The following PIGB variants were observed in gnomAD, a reference collection of about 807,000 sequenced individuals.
PIGB encodes the protein phosphatidylinositol glycan anchor biosynthesis class B.
Under a neutral mutation model 68.4 loss-of-function variants are expected in PIGB, and 58 were observed. The observed-to-expected ratio is 0.85, with a 90% CI of 0.69 to 1.06. PIGB has a LOEUF of 1.06. Ranked by LOEUF, PIGB falls within the 50% of genes least tolerant of loss-of-function variation. The pLI, the probability that PIGB is intolerant of heterozygous loss-of-function variation, is 0.00. For synonymous variants in PIGB, 219 were observed against 220.5 expected, an observed-to-expected ratio of 0.99 and a Z score of 0.06; for missense variants, 634 against 655.8, an observed-to-expected ratio of 0.97 and a Z score of 0.36.
rs534980917 is a variant in PIGB at position 55,328,449 on chromosome 15, T to A, written c.522+814T>A. ...CCAAGTAACCAATTTAGCAACATAT[T>A]TCTGAAATATAATTTATTAATAAAT... On this transcript the variant is annotated intron_variant, in intron 4 of 11. Transcript: ENST00000164305. Among the ~76,000 whole-genome samples the A allele has an allele frequency of 2.0e-5, 3 of 152,330 alleles. No individual in the cohort carries two copies. In the East Asian group the frequency reaches 5.8e-4, roughly 29 times the overall value.
intron 6 of PIGB, among the ~76,000 whole-genome samples, chr15:55,338,864 T>A (rs1169547803): frequency 1.3e-5 from 2 of 152,214 alleles, no homozygotes; most frequent in Non-Finnish European, 2.9e-5. Context: ...AACCTTCAGA[T>A]GAAACTGTAG....
chr15:55,321,239 A>C (rs2055156288), intron 2 of PIGB, 34 bp from the exon 3 acceptor site: 1 of 1,519,970 alleles, frequency 6.6e-7, no homozygotes, highest in South Asian at 1.3e-5. Context: ...ATAGGTTTCA[A>C]TATTATTGGA....
chr15:55,321,341 G>A lies in PIGB; in HGVS notation c.368G>A (p.Ser123Asn). 6.2e-7 allele frequency: 1 copy of A among 1,606,874 alleles called. No homozygotes were observed. Among genetic ancestry groups the A allele is most frequent in the Non-Finnish European group, 8.5e-7 (1 of 1,175,508 alleles). The change falls in exon 3 of 12, where the codon AGC becomes AAC. Residue 123 changes from serine (S) to asparagine (N), a missense_variant. Physicochemically the swap from Ser to Asn is conservative, Grantham distance 46. Coordinates refer to ENST00000164305, the MANE Select transcript of PIGB (RefSeq NM_004855.5). ...TACACTTATCCCTTAATCTTTGCAA[G>A]CATTTACAAGATTCTTCATCTTTTA... ...RSYTYPLIFA[S>N]IYKILHLLGK...
intron 9 of PIGB, among the ~76,000 whole-genome samples, chr15:55,345,368 T>C (rs544575164): frequency 6.6e-6 from 1 of 152,346 alleles, no homozygotes; most frequent in South Asian, 2.1e-4. Context: ...CTAAAACATT[T>C]ATAATGCCAC....
At position 55,334,361 on chromosome 15, in the gene PIGB, C is replaced by A. The variant is rs1399821882; in HGVS notation, c.794+354C>A. 2.6e-5 allele frequency among the ~76,000 whole-genome samples: 4 copies of A among 152,222 alleles called. No homozygotes were observed. The East Asian group carries it at 7.7e-4, about 29-fold the overall frequency. On this transcript the variant is annotated intron_variant, in intron 6 of 11. Coordinates refer to ENST00000164305, the MANE Select transcript of PIGB (RefSeq NM_004855.5). ...ATATTACCTCATAATTTTCATAATACTTCAGTCTAGGCAATATATGTTTTT... is the reference window on the plus strand; with the variant it reads ...ATATTACCTCATAATTTTCATAATAATTCAGTCTAGGCAATATATGTTTTT...
chr15:55,343,680 G>A (rs2055724603), intron 9 of PIGB: 1 of 152,188 alleles, frequency 6.6e-6, no homozygotes, highest in South Asian at 2.1e-4. Context: ...GGGGTAAAGA[G>A]AGCCCCTTCT....
At chr15:55,337,393 C>T (rs914421616) in intron 6 of PIGB, among the ~76,000 whole-genome samples, 10 of 152,200 alleles carry the variant, frequency 6.6e-5, no homozygotes, top group Non-Finnish European at 1.3e-4. Flanking sequence ...GGCTGCACAG[C>T]AGGAGGTGAG....
At chr15:55,342,137 A>G (rs993597038) in intron 9 of PIGB, among the ~76,000 whole-genome samples, 7 of 152,072 alleles carry the variant, frequency 4.6e-5, no homozygotes, top group African/African-American at 1.7e-4. Flanking sequence ...AAACAGACAA[A>G]CAAAAAACCC....
chr15:55,354,140 C>T (rs1233033285), intron 10 of PIGB, among the ~76,000 whole-genome samples: 7 of 151,568 alleles, frequency 4.6e-5, no homozygotes, highest in African/African-American at 9.7e-5. Context: ...GGTGAAACCC[C>T]ATCTCTACTA....
chr15:55,340,980 C>G (rs1367091956), intron 8 of PIGB, among the ~76,000 whole-genome samples, 157 bp downstream of exon 8: 1 of 151,688 alleles, frequency 6.6e-6, no homozygotes, highest in Non-Finnish European at 1.5e-5. Context: ...TATGGAGGCA[C>G]TAGAGTGAAT....
intron 9 of PIGB, 104 bp from the exon 10 acceptor site, chr15:55,350,595 G>A: frequency 6.8e-6 from 5 of 734,698 alleles, no homozygotes; most frequent in Admixed American, 2.2e-5. Context: ...GTCTATAACA[G>A]TATTACAGTT....
chr15:55,331,195 T>C (rs1217824879), intron 5 of PIGB, among the ~76,000 whole-genome samples: 1 of 152,182 alleles, frequency 6.6e-6, no homozygotes, highest in East Asian at 1.9e-4. Context: ...AGAATCGAAT[T>C]AGGTCCATTA....
intron 6 of PIGB, among the ~76,000 whole-genome samples, chr15:55,338,539 G>A (rs1395345232): frequency 6.6e-6 from 1 of 152,076 alleles, no homozygotes; most frequent in Non-Finnish European, 1.5e-5. Context: ...TAGTTACTTG[G>A]AAGGCTGAGG....
Position 55,341,807 on chromosome 15 carries a change from G to A in PIGB, c.1123+5G>A. On this transcript the variant is annotated splice_donor_5th_base_variant and intron_variant, in intron 9 of 11. Coordinates refer to ENST00000164305, the MANE Select transcript of PIGB (RefSeq NM_004855.5). ...CATTCTGTATGGTGTTCTGTGGTAA[G>A]TGCTTTTGTTTGTTATAGAAAATAA... 2 of 1,363,586 alleles carry A rather than the reference G, an allele frequency of 1.5e-6. No individual in the cohort carries two copies. Among genetic ancestry groups the A allele is most frequent in the Admixed American group, 2.5e-5 (1 of 39,290 alleles). 84.5% of individuals were successfully genotyped at this position (1,363,586 alleles called of 1,614,324 possible). A position where few individuals can be genotyped will look rare whatever the true frequency, so the allele number is the denominator to read the frequency against.
At chr15:55,351,102 CTTT>C (rs1296091523) in intron 10 of PIGB, among the ~76,000 whole-genome samples, 190 bp downstream of exon 10, 4 of 138,506 alleles carry the variant, frequency 2.9e-5, no homozygotes, top group Middle Eastern at 3.6e-3. Context: ...TTTAAATAAA[CTTT>C]TTTTCTTTTT....
chr15:55,329,841 A>G lies in PIGB; in HGVS notation c.640A>G (p.Lys214Glu). The G allele has an allele frequency of 6.3e-7, 1 of 1,584,776 alleles. No homozygotes were observed. Among genetic ancestry groups the G allele is most frequent in the Non-Finnish European group, 8.6e-7 (1 of 1,157,536 alleles). The change falls in exon 5 of 12, where the codon AAG (lysine) becomes GAG (glutamate). Residue 214 changes from lysine (K) to glutamate (E), a missense_variant. By Grantham distance (56) the Lys-to-Glu change is moderately conservative. Coordinates refer to ENST00000164305, the MANE Select transcript of PIGB (RefSeq NM_004855.5). ...ALFYYPLEGS[K>E]SMNSVKYSSL... is the part of the protein sequence containing the mutation. ...TTTCTACTATCCTTTGGAAGGTTCA[A>G]AGTCTATGAACAGGTAAGAAAAATT...
intron 6 of PIGB, among the ~76,000 whole-genome samples, chr15:55,337,572 C>A (rs1332756741): frequency 4.6e-5 from 7 of 152,196 alleles, no homozygotes; most frequent in African/African-American, 1.7e-4. Flanking sequence ...ATGCCCCACT[C>A]CCACCCCCGC....
intron 3 of PIGB, among the ~76,000 whole-genome samples, chr15:55,326,723 C>T (rs2055294916): frequency 6.6e-6 from 1 of 151,542 alleles, no homozygotes; most frequent in Admixed American, 6.6e-5. Flanking sequence ...AAAAATTAGC[C>T]GGGCGTGGGA....
intron 6 of PIGB, among the ~76,000 whole-genome samples, chr15:55,335,346 T>C (rs2055510271): frequency 6.6e-6 from 1 of 152,360 alleles, no homozygotes; most frequent in African/African-American, 2.4e-5. Context: ...GTTGCTACTG[T>C]TGTCATTTCT....
Sources: gnomAD v4.1 joint callset for allele counts (sites outside exome capture counted in the v4.1 genomes callset) on GRCh38, gnomAD v4.1.1 for gene constraint, MANE v1.5 for transcripts, NCBI Gene and HGNC (gene_info 2026-07-23, HGNC 2026-07-21) for gene names.